The following PCDHGB1 variants were observed in gnomAD, a reference collection of about 807,000 sequenced individuals.
PCDHGB1 encodes the protein protocadherin gamma-B1.
Under a neutral mutation model 56.6 loss-of-function variants are expected in PCDHGB1, and 34 were observed. The ratio of observed to expected loss-of-function variants is 0.60; its 90% CI spans 0.46 to 0.80. PCDHGB1 has a LOEUF of 0.80. PCDHGB1 is among the 30% of genes least tolerant of loss of function. The pLI is 0.00. For synonymous variants in PCDHGB1, 561 were observed against 505.9 expected (o/e 1.11, Z -1.46); for missense variants, 1,278 against 1,204.6 (o/e 1.06, Z -0.90).
At chr5:141,423,387 G>T (rs373190092) in intron 1 of PCDHGB1, 1 of 1,614,162 alleles carries the variant, frequency 6.2e-7, no homozygotes, top group Non-Finnish European at 8.5e-7. Context: ...TGTGGCGCTG[G>T]CATAAGTCAC....
chr5:141,371,708 C>A (rs1767965097), intron 1 of PCDHGB1: 1 of 1,614,064 alleles, frequency 6.2e-7, no homozygotes, highest in East Asian at 2.2e-5. Flanking sequence ...GCAAGACCAT[C>A]ACTCTGCACA....
At chr5:141,503,804 G>A (rs2099831736) in intron 2 of PCDHGB1, among the ~76,000 whole-genome samples, 1 of 152,034 alleles carries the variant, frequency 6.6e-6, no homozygotes, top group South Asian at 2.1e-4. Flanking sequence ...TAGGGACGGG[G>A]AATCCCAGAT....
At chr5:141,419,796 T>C (rs1334397368) in intron 1 of PCDHGB1, 1 of 1,614,026 alleles carries the variant, frequency 6.2e-7, no homozygotes, top group Admixed American at 1.7e-5. Flanking sequence ...CTAGTCGCTG[T>C]AAGAGATGGA....
At position 141,416,345 on chromosome 5, in the gene PCDHGB1, A is replaced by T. The variant is rs542527661; in HGVS notation, c.2409+63676A>T. ...ATTTAACTTTCATTGCTCAATAGGG[A>T]TCCTGAGGAGGCTATAGAGGGTGAA... On this transcript the variant is annotated intron_variant, in intron 1 of 3. Transcript: ENST00000523390. The T allele has an allele frequency of 4.6e-5, 7 of 152,330 alleles. No homozygotes were observed. In the East Asian group the frequency reaches 1.3e-3, roughly 29 times the overall value. The allele number at this position is 152,330 out of a possible 1,614,324, so 9.4% of individuals were successfully genotyped here. A position where few individuals can be genotyped will look rare whatever the true frequency, so the allele number is the denominator to read the frequency against.
intron 1 of PCDHGB1, chr5:141,383,745 G>A: frequency 6.2e-7 from 1 of 1,613,954 alleles, no homozygotes; most frequent in Non-Finnish European, 8.5e-7. Context: ...ATTCTTTTCG[G>A]AAAATAACTC....
chr5:141,361,135 C>G (rs535070372), intron 1 of PCDHGB1: 1 of 1,613,506 alleles, frequency 6.2e-7, no homozygotes, highest in South Asian at 1.1e-5. Flanking sequence ...CTGCAGTATC[C>G]AAGTTGAAAT....
intron 1 of PCDHGB1, among the ~76,000 whole-genome samples, chr5:141,438,629 TATATATACACACAC>T (rs1468553117): frequency 3.8e-3 from 181 of 48,054 alleles, no homozygotes; most frequent in Non-Finnish European, 5.4e-3. Flanking sequence ...TATATATATA[TATATATACACACAC>T]ACACACACAT....
chr5:141,389,610 G>C, intron 1 of PCDHGB1: 1 of 1,613,118 alleles, frequency 6.2e-7, no homozygotes, highest in Non-Finnish European at 8.5e-7. Flanking sequence ...CTTCGATATG[G>C]TGCCGCACGC....
Position 141,502,866 on chromosome 5 carries a change from C to CTTTTTTTTTTTTTT in PCDHGB1, c.2469-2526_2469-2513dup, listed in dbSNP as rs549047197. Among the ~76,000 whole-genome samples the CTTTTTTTTTTTTTT allele has an allele frequency of 1.6e-4, 20 of 128,024 alleles. 4 individuals are homozygous for CTTTTTTTTTTTTTT. The highest frequency in any genetic ancestry group is 2.6e-4 in the Admixed American group (3 of 11,660). 84.0% of individuals were successfully genotyped at this position (128,024 alleles called of 152,430 possible). A position where few individuals can be genotyped will look rare whatever the true frequency, so the allele number is the denominator to read the frequency against. The stretch of plus-strand genomic sequence containing the variant: ...GAGCTGCCTAACCCTGACTCTCTGT[C>CTTTTTTTTTTTTTT]TTTTTTTTTTTTTTGACAGGGAGTC... On this transcript the variant is annotated intron_variant, in intron 2 of 3. Transcript: ENST00000523390.
intron 1 of PCDHGB1, among the ~76,000 whole-genome samples, chr5:141,406,564 C>T (rs1475993893): frequency 6.6e-6 from 1 of 152,164 alleles, no homozygotes; most frequent in African/African-American, 2.4e-5. Flanking sequence ...CACTTCCAAA[C>T]CCTAGTAAAC....
At chr5:141,385,003 T>C (rs1480894446) in intron 1 of PCDHGB1, 1 of 1,614,148 alleles carries the variant, frequency 6.2e-7, no homozygotes, top group South Asian at 1.1e-5. Context: ...CACAGTCTCC[T>C]GCGTCTTCCT....
intron 1 of PCDHGB1, chr5:141,404,337 C>A (rs766940096): frequency 6.2e-6 from 10 of 1,613,902 alleles, no homozygotes; most frequent in Middle Eastern, 3.3e-4. Flanking sequence ...GTCTACCTCC[C>A]GGAAAACAAC....
intron 1 of PCDHGB1, chr5:141,441,346 G>A (rs1265971154): frequency 2.0e-5 from 3 of 152,340 alleles, no homozygotes; most frequent in African/African-American, 7.2e-5. Context: ...TTAACTACAT[G>A]CTTGTAACAA....
rs547410815 is a variant in PCDHGB1 at position 141,418,658 on chromosome 5, A to T, written c.2409+65989A>T. ...CACCTCCATCCTGAGAGTGAAGGCC[A>T]CTGACCAGGACGAGGGCATCAACTC... is the stretch of plus-strand genomic sequence containing the variant. On this transcript the variant is annotated intron_variant, in intron 1 of 3. Transcript: ENST00000523390. 2.6e-4 allele frequency: 419 copies of T among 1,614,030 alleles called. 6 individuals carry two copies. The South Asian group carries it at 4.2e-3, about 16-fold the overall frequency.
intron 1 of PCDHGB1, chr5:141,442,360 G>A (rs890049391): frequency 6.6e-6 from 1 of 152,272 alleles, no homozygotes; most frequent in African/African-American, 2.4e-5. Flanking sequence ...GTAGCTCTAT[G>A]ATGCCATATT....
intron 1 of PCDHGB1, chr5:141,356,210 T>C (rs1037519261): frequency 6.2e-7 from 1 of 1,605,038 alleles, no homozygotes; most frequent in Non-Finnish European, 8.5e-7. Context: ...CTGGTGACAG[T>C]TCTGGATGAA....
chr5:141,392,911 A>G (rs1416480997), intron 1 of PCDHGB1: 1 of 1,613,712 alleles, frequency 6.2e-7, no homozygotes, highest in African/African-American at 1.3e-5. Context: ...CAGATTCGCT[A>G]CTCTGTGCCA....
At position 141,350,854 on chromosome 5, in the gene PCDHGB1, C is replaced by T; in HGVS notation, c.594C>T (p.Asp198=). Residue 198 remains aspartate (D), a synonymous_variant, in exon 1 of 4, where the codon GAC becomes GAT. Transcript: ENST00000523390. Reference sequence around the variant, plus strand: ...TATTACTGCTGGAAAAACCTCTAGACAGGGAACATCAGAGCTCTCATCGCT... The same window carrying T: ...TATTACTGCTGGAAAAACCTCTAGATAGGGAACATCAGAGCTCTCATCGCT... ...YPVLLLEKPL[D]REHQSSHRLI... The T allele has an allele frequency of 6.2e-7, 1 of 1,614,084 alleles. No individual in the cohort carries two copies. The highest frequency in any genetic ancestry group is 8.5e-7 in the Non-Finnish European group (1 of 1,179,906).
chr5:141,356,520 G>T, intron 1 of PCDHGB1: 1 of 1,613,802 alleles, frequency 6.2e-7, no homozygotes, highest in South Asian at 1.1e-5. Context: ...ATATTTCACT[G>T]CAAGTGATGG....
Sources: allele counts gnomAD v4.1 joint callset (sites outside exome capture counted in the v4.1 genomes callset), GRCh38; gene constraint gnomAD v4.1.1; transcripts MANE v1.5; gene names NCBI Gene and HGNC (gene_info 2026-07-23, HGNC 2026-07-21).